SLC44A5: variants seen among roughly 807,000 people sequenced by gnomAD.
The protein encoded by SLC44A5 is choline transporter-like protein 5.
Under a neutral mutation model 101.8 loss-of-function variants are expected in SLC44A5, and 57 were observed. The observed-to-expected ratio is 0.56, with a 90% CI of 0.45 to 0.70. The LOEUF (loss-of-function observed/expected upper bound fraction) is 0.70. SLC44A5 is among the 30% of genes least tolerant of loss of function. The probability of loss-of-function intolerance (pLI) is 0.00; values close to 1 mark genes in which losing one functional copy is unlikely to be tolerated. For synonymous variants in SLC44A5, 281 were observed against 290.9 expected (o/e 0.97, Z 0.35); for missense variants, 737 against 853.1 (o/e 0.86, Z 1.70).
Position 75,238,609 on chromosome 1 carries a change from G to C in SLC44A5, c.560C>G (p.Ser187Cys), listed in dbSNP as rs772879292. ...TATTGTTAAAGTGCCATTTTTGGTA[G>C]AGAAGTCAGGGAAACATCTCTGGAG... The part of the protein sequence containing the change: ...PFLQRCFPDF[S>C]TKNGTLTIGS... Residue 187 changes from serine (S) to cysteine (C), a missense_variant, in exon 10 of 24, where the codon TCT (serine) becomes TGT (cysteine). By Grantham distance (112) the Ser-to-Cys change is moderately radical. Around this residue, in one of 3 missense-constraint regions of SLC44A5, gnomAD observed 665 missense variants for 764.4 expected, o/e 0.87. Coordinates refer to ENST00000370859, the MANE Select transcript of SLC44A5 (RefSeq NM_001130058.2). The C allele has an allele frequency of 5.1e-6, 8 of 1,576,788 alleles. No individual in the cohort carries two copies. Among genetic ancestry groups the C allele is most frequent in the Non-Finnish European group, 6.9e-6 (8 of 1,158,178 alleles).
chr1:75,330,106 T>TATACAC (rs1171615879), intron 4 of SLC44A5, among the ~76,000 whole-genome samples: 5 of 128,646 alleles, frequency 3.9e-5, no homozygotes, highest in African/African-American at 1.3e-4. Context: ...TATATATATA[T>TATACAC]ACACACACAC....
chr1:75,515,383 G>A (rs1178745924), intron 2 of SLC44A5, among the ~76,000 whole-genome samples: 2 of 151,618 alleles, frequency 1.3e-5, no homozygotes, highest in Non-Finnish European at 2.9e-5. Flanking sequence ...AAAAAAGCAA[G>A]CATATTTCTC....
At chr1:75,619,931 C>T in the SLC44A5 span, among the ~76,000 whole-genome samples, 2 of 152,122 alleles carry the variant, frequency 1.3e-5, no homozygotes, top group African/African-American at 2.4e-5. Flanking sequence ...TTGCTGCATC[C>T]ATCAACCCAT....
chr1:75,245,957 A>G lies in SLC44A5; in HGVS notation c.346-2946T>C, dbSNP rs74512171. Among the ~76,000 whole-genome samples the G allele has an allele frequency of 5.2e-3, 799 of 152,240 alleles. 9 individuals carry two copies. The highest frequency in any genetic ancestry group is 0.019 in the African/African-American group (773 of 41,560). The stretch of plus-strand genomic sequence containing the variant: ...AGTGCTTGTGACACATGTCTGGACC[A>G]TGCCAGCAGTTAACAAAAACATCGT... On this transcript the variant is annotated intron_variant, in intron 7 of 23. Coordinates refer to ENST00000370859, the MANE Select transcript of SLC44A5 (RefSeq NM_001130058.2).
At chr1:75,718,106 TATAAAG>T in the SLC44A5 span, among the ~76,000 whole-genome samples, 1 of 152,244 alleles carries the variant, frequency 6.6e-6, no homozygotes, top group Non-Finnish European at 1.5e-5. Flanking sequence ...ATAAACTTTA[TATAAAG>T]TTGTGACACC....
rs540765004 is a variant in SLC44A5 at position 75,350,248 on chromosome 1, C to A, written c.53-10618G>T. On this transcript the variant is annotated intron_variant, in intron 3 of 23. Coordinates refer to ENST00000370859, the MANE Select transcript of SLC44A5 (RefSeq NM_001130058.2). ...CTCCCTTTGCCGTGTGAGGACACAG[C>A]AAGGGGATGTCTGTCTACCAGCCAT... Among the ~76,000 whole-genome samples, 5 of 151,576 alleles carry A rather than the reference C, an allele frequency of 3.3e-5. No homozygotes were observed. The South Asian group carries it at 8.3e-4, about 25-fold the overall frequency.
the SLC44A5 span, chr1:75,641,401 T>A: frequency 3.0e-6 from 3 of 1,010,174 alleles, no homozygotes; most frequent in Non-Finnish European, 4.7e-6. Flanking sequence ...AGCTTGATTT[T>A]TGTACATTGC....
chr1:75,316,145 C>A (rs1210168086), intron 4 of SLC44A5, among the ~76,000 whole-genome samples: 1 of 152,198 alleles, frequency 6.6e-6, no homozygotes, highest in Non-Finnish European at 1.5e-5. Flanking sequence ...ATTTCTTAGT[C>A]TGGCCCTTGC....
At chr1:75,707,458 A>G in the SLC44A5 span, among the ~76,000 whole-genome samples, 1 of 152,190 alleles carries the variant, frequency 6.6e-6, no homozygotes, top group East Asian at 1.9e-4. Flanking sequence ...AGCCTGTTTA[A>G]GATTAATTAC....
At position 75,203,641 on chromosome 1, in the gene SLC44A5, A is replaced by G; in HGVS notation, c.*86T>C. 1.4e-6 allele frequency: 2 copies of G among 1,452,374 alleles called. No individual in the cohort carries two copies. Among genetic ancestry groups the G allele is most frequent in the Non-Finnish European group, 1.8e-6 (2 of 1,095,380 alleles). 90.0% of individuals were successfully genotyped at this position (1,452,374 alleles called of 1,614,324 possible). ...GGTCGTGAATACAGTGTTGCTAAACACAAAGCACTTATGAAACAAATGTTG... is the reference window on the plus strand; with the variant it reads ...GGTCGTGAATACAGTGTTGCTAAACGCAAAGCACTTATGAAACAAATGTTG... On this transcript the variant is annotated 3_prime_UTR_variant, in exon 24 of 24. Coordinates refer to ENST00000370859, the MANE Select transcript of SLC44A5 (RefSeq NM_001130058.2).
chr1:75,276,234 G>GT (rs759629608), intron 5 of SLC44A5, among the ~76,000 whole-genome samples: 1 of 151,988 alleles, frequency 6.6e-6, no homozygotes. Flanking sequence ...CTCAGCTGCC[G>GT]TATCTTCCCG....
the SLC44A5 span, among the ~76,000 whole-genome samples, chr1:75,628,619 G>C: frequency 7.9e-5 from 12 of 151,904 alleles, no homozygotes; most frequent in Admixed American, 2.0e-4. Context: ...ATAGCAAATG[G>C]GAAAAACTAA....
the SLC44A5 span, among the ~76,000 whole-genome samples, chr1:75,679,293 T>C: frequency 6.6e-6 from 1 of 151,984 alleles, no homozygotes; most frequent in Admixed American, 6.6e-5. Flanking sequence ...GAAGAGCAAC[T>C]CCAAGACATG....
the SLC44A5 span, among the ~76,000 whole-genome samples, chr1:75,640,923 A>T: frequency 6.6e-6 from 1 of 152,124 alleles, no homozygotes; most frequent in South Asian, 2.1e-4. Context: ...TAATAAATAA[A>T]AAAGTCCCAC....
chr1:75,205,147 C>T (rs1445230564), intron 23 of SLC44A5: 1 of 152,146 alleles, frequency 6.6e-6, no homozygotes, highest in Non-Finnish European at 1.5e-5. Flanking sequence ...TATTAAAAAT[C>T]TTCCCTATTC....
chr1:75,363,942 C>A (rs1659679386), intron 3 of SLC44A5, among the ~76,000 whole-genome samples: 1 of 152,154 alleles, frequency 6.6e-6, no homozygotes. Context: ...CCAGATAAAG[C>A]ATCCTTACTT....
At chr1:75,460,851 C>T (rs183605758) in intron 2 of SLC44A5, among the ~76,000 whole-genome samples, 1 of 152,250 alleles carries the variant, frequency 6.6e-6, no homozygotes, top group African/African-American at 2.4e-5. Context: ...AAGAAAATCA[C>T]TTACATCCAA....
intron 3 of SLC44A5, among the ~76,000 whole-genome samples, chr1:75,388,721 G>A (rs971674840): frequency 1.3e-5 from 2 of 151,798 alleles, no homozygotes; most frequent in Non-Finnish European, 2.9e-5. Context: ...AGAGCTTGCA[G>A]TGAGCCGAGA....
intron 1 of SLC44A5, among the ~76,000 whole-genome samples, chr1:75,598,981 A>G (rs1376441245): frequency 6.6e-6 from 1 of 152,204 alleles, no homozygotes; most frequent in African/African-American, 2.4e-5. Flanking sequence ...TGTTTAGACT[A>G]TTACATTTCC....
Sources: allele counts gnomAD v4.1 joint callset (sites outside exome capture counted in the v4.1 genomes callset), GRCh38; gene constraint gnomAD v4.1.1; regional missense constraint gnomAD v4.1.1; transcripts MANE v1.5; gene names NCBI Gene and HGNC (gene_info 2026-07-23, HGNC 2026-07-21).